Variants in HLA-E observed in about 807,000 individuals in gnomAD.
HLA-E encodes HLA class I histocompatibility antigen, alpha chain E.
Under a neutral mutation model 43.4 loss-of-function variants are expected in HLA-E, and 25 were observed. That is an observed-to-expected ratio of 0.58 (90% CI 0.42 to 0.80). HLA-E has a LOEUF of 0.80. HLA-E is among the 30% of genes least tolerant of loss of function. The pLI is 0.00. For missense variants in HLA-E, 343 were observed against 470.0 expected, an observed-to-expected ratio of 0.73 and a Z score of 2.50; for synonymous variants, 161 against 197.6, an observed-to-expected ratio of 0.81 and a Z score of 1.55.
chr6:30,492,502 T>C lies in HLA-E; in HGVS notation c.1037-39T>C. ...ATAATTCCTCCTGCACCACATCTCC[T>C]GTGGGCTCTGACCAGGTCTTGTTTT... On this transcript the variant is annotated intron_variant, in intron 6 of 7. Transcript: ENST00000376630. The surrounding 1 kb of genome is among the most constrained non-coding windows in gnomAD (Gnocchi z 4.5). The C allele has an allele frequency of 3.1e-6, 5 of 1,613,996 alleles. No homozygotes were observed. The highest frequency in any genetic ancestry group is 4.2e-6 in the Non-Finnish European group (5 of 1,179,884).
In HLA-E at chr6:30,491,877, A is replaced by G. The variant is rs1796565824; in HGVS notation, c.1003+224A>G. 6.6e-6 allele frequency among the ~76,000 whole-genome samples: 1 copy of G among 151,330 alleles called. No individual in the cohort carries two copies. Among genetic ancestry groups the G allele is most frequent in the East Asian group, 1.9e-4 (1 of 5,166 alleles). Reference sequence around the variant, plus strand: ...AATGGCGTGGTTTCAGCTCACTGCAACCTCCGCCTCCCAGGTTCAAGCAAT... The same window carrying G: ...AATGGCGTGGTTTCAGCTCACTGCAGCCTCCGCCTCCCAGGTTCAAGCAAT... On this transcript the variant is annotated intron_variant, in intron 5 of 7. Coordinates refer to ENST00000376630, the MANE Select transcript of HLA-E (RefSeq NM_005516.6). The surrounding 1 kb of genome is among the most constrained non-coding windows in gnomAD (Gnocchi z 5.4).
chr6:30,490,177 C>G lies in HLA-E; in HGVS notation c.335-63C>G, dbSNP rs1459373196. On this transcript the variant is annotated intron_variant, in intron 2 of 7. Coordinates refer to ENST00000376630, the MANE Select transcript of HLA-E (RefSeq NM_005516.6). The surrounding 1 kb of genome is among the most constrained non-coding windows in gnomAD (Gnocchi z 6.6). Reference sequence around the variant, plus strand: ...TCTTTTTCAGTTTAGGCCAAAATGCCCACAGGGTGGTGGCGACGGGGGCGG... The same window carrying G: ...TCTTTTTCAGTTTAGGCCAAAATGCGCACAGGGTGGTGGCGACGGGGGCGG... The G allele has an allele frequency of 1.1e-5, 18 of 1,578,046 alleles. No homozygotes were observed. Among genetic ancestry groups the G allele is most frequent in the Non-Finnish European group, 1.6e-5 (18 of 1,161,106 alleles).
In HLA-E at chr6:30,489,952, G is replaced by T. The variant is rs1359207381; in HGVS notation, c.291G>T (p.Val97=). 8 of 1,611,900 alleles carry T rather than the reference G, an allele frequency of 5.0e-6. No homozygotes were observed. Among genetic ancestry groups the T allele is most frequent in the Non-Finnish European group, 5.9e-6 (7 of 1,179,290 alleles). Residue 97 remains valine (V), a synonymous_variant, in exon 2 of 8, where the codon GTG becomes GTT. Transcript: ENST00000376630. This position sits in a 1 kb window ranked among gnomAD's most constrained non-coding sequence, Gnocchi z 5.6. ...GGGACACCGCACAGATTTTCCGAGT[G>T]AATCTGCGGACGCTGCGCGGCTACT... ...SARDTAQIFR[V]NLRTLRGYYN... is the part of the protein sequence containing the mutation.
At position 30,490,997 on chromosome 6, in the gene HLA-E, T is replaced by A; in HGVS notation, c.611-140T>A. 8.3e-7 allele frequency: 1 copy of A among 1,207,786 alleles called. No homozygotes were observed. The highest frequency in any genetic ancestry group is 1.2e-6 in the Non-Finnish European group (1 of 852,830). 74.8% of individuals were successfully genotyped at this position (1,207,786 alleles called of 1,614,324 possible). On this transcript the variant is annotated intron_variant, in intron 3 of 7. Transcript: ENST00000376630. The surrounding 1 kb of genome is among the most constrained non-coding windows in gnomAD (Gnocchi z 6.6). Reference sequence around the variant, plus strand: ...GGAATAAGAGGCTATCCCAGATCCCTAAGTCCAGGCTGGTGTCAAGGTTTT... The same window carrying A: ...GGAATAAGAGGCTATCCCAGATCCCAAAGTCCAGGCTGGTGTCAAGGTTTT...
Position 30,490,532 on chromosome 6 carries a change from G to A in HLA-E, c.610+17G>A. The stretch of plus-strand genomic sequence containing the variant: ...TTCACCTGGGTAAGAGGGTCCACAG[G>A]GCTACTCTCCCATCTCCTTCTTGGG... On this transcript the variant is annotated intron_variant, in intron 3 of 7. Transcript: ENST00000376630. The surrounding 1 kb of genome is among the most constrained non-coding windows in gnomAD (Gnocchi z 6.6). 6.2e-7 allele frequency: 1 copy of A among 1,607,670 alleles called. No homozygotes were observed. Among genetic ancestry groups the A allele is most frequent in the Non-Finnish European group, 8.5e-7 (1 of 1,177,108 alleles).
Position 30,492,552 on chromosome 6 carries a change from G to A in HLA-E, c.1048G>A (p.Ala350Thr), listed in dbSNP as rs1796621288. The A allele has an allele frequency of 6.2e-7, 1 of 1,614,042 alleles. No individual in the cohort carries two copies. The highest frequency in any genetic ancestry group is 1.3e-5 in the African/African-American group (1 of 74,910). ...TTGTTCTACCCCAGGGAGCGACAGTGCCCAGGGGTCTGAGTCTCACAGCTT... is the reference window on the plus strand; with the variant it reads ...TTGTTCTACCCCAGGGAGCGACAGTACCCAGGGGTCTGAGTCTCACAGCTT... ...SYSKAEWSDSAQGSESHSL is the reference protein window; with the variant it reads ...SYSKAEWSDSTQGSESHSL The change falls in exon 7 of 8, where the codon GCC becomes ACC. Residue 350 changes from alanine (A) to threonine (T), a missense_variant. This residue lies in a region of HLA-E where 190 missense variants were observed against 283.6 expected (regional missense o/e 0.67). Transcript: ENST00000376630. The surrounding 1 kb of genome is among the most constrained non-coding windows in gnomAD (Gnocchi z 4.5).
chr6:30,490,122 C>T lies in HLA-E; in HGVS notation c.335-118C>T, dbSNP rs1275756740. ...TGCGGAACCCGCCCAGACCCTAGACCGGGGAGAGTCTCAGGCGCCTTTACC... is the reference window on the plus strand; with the variant it reads ...TGCGGAACCCGCCCAGACCCTAGACTGGGGAGAGTCTCAGGCGCCTTTACC... On this transcript the variant is annotated intron_variant, in intron 2 of 7. Coordinates refer to ENST00000376630, the MANE Select transcript of HLA-E (RefSeq NM_005516.6). This position sits in a 1 kb window ranked among gnomAD's most constrained non-coding sequence, Gnocchi z 6.6. 2.1e-6 allele frequency: 3 copies of T among 1,441,544 alleles called. No individual in the cohort carries two copies. Among genetic ancestry groups the T allele is most frequent in the Non-Finnish European group, 1.9e-6 (2 of 1,068,478 alleles). 89.3% of individuals were successfully genotyped at this position (1,441,544 alleles called of 1,614,324 possible). A position where few individuals can be genotyped will look rare whatever the true frequency, so the allele number is the denominator to read the frequency against.
Position 30,490,502 on chromosome 6 carries a change from G to T in HLA-E, c.597G>T (p.Thr199=). 1 of 1,612,674 alleles carries T rather than the reference G, an allele frequency of 6.2e-7. No homozygotes were observed. Among genetic ancestry groups the T allele is most frequent in the Non-Finnish European group, 8.5e-7 (1 of 1,179,874 alleles). ...LHKYLEKGKE[T]LLHLEPPKTH... ...AATACCTGGAGAAGGGGAAGGAGAC[G>T]CTGCTTCACCTGGGTAAGAGGGTCC... Residue 199 remains threonine, a synonymous_variant, in exon 3 of 8, where the codon ACG becomes ACT. Coordinates refer to ENST00000376630, the MANE Select transcript of HLA-E (RefSeq NM_005516.6). The surrounding 1 kb of genome is among the most constrained non-coding windows in gnomAD (Gnocchi z 6.6).
rs1796495959 is a variant in HLA-E, at chr6:30,490,978, A to T, written c.611-159A>T. On this transcript the variant is annotated intron_variant, in intron 3 of 7. Transcript: ENST00000376630. The surrounding 1 kb of genome is among the most constrained non-coding windows in gnomAD (Gnocchi z 6.6). ...CGATTCTAGAACTTTCCAAGGAATA[A>T]GAGGCTATCCCAGATCCCTAAGTCC... Among the ~76,000 whole-genome samples, 1 of 152,228 alleles carries T rather than the reference A, an allele frequency of 6.6e-6. No individual in the cohort carries two copies. Among genetic ancestry groups the T allele is most frequent in the African/African-American group, 2.4e-5 (1 of 41,450 alleles).
In HLA-E at chr6:30,493,022, G is replaced by A. The variant is rs1309197079; in HGVS notation, c.*276G>A. 2.1e-5 allele frequency: 4 copies of A among 187,084 alleles called. No homozygotes were observed. The highest frequency in any genetic ancestry group is 1.2e-4 in the Admixed American group (2 of 16,176). 11.6% of individuals were successfully genotyped at this position (187,084 alleles called of 1,614,324 possible). ...AAAAATAAGAACCTGGGCAGAGTGC[G>A]GCAGCTCATGCCTGTAATCCCAGCA... On this transcript the variant is annotated 3_prime_UTR_variant, in exon 8 of 8. Transcript: ENST00000376630. This position sits in a 1 kb window ranked among gnomAD's most constrained non-coding sequence, Gnocchi z 5.5.
At position 30,490,667 on chromosome 6, in the gene HLA-E, C is replaced by T; in HGVS notation, c.610+152C>T. ...GGAGAGGGAGCTGTCACCTGAGGTA[C>T]AGGAGATCCTATACCACAGAGTGAC... On this transcript the variant is annotated intron_variant, in intron 3 of 7. Coordinates refer to ENST00000376630, the MANE Select transcript of HLA-E (RefSeq NM_005516.6). This position sits in a 1 kb window ranked among gnomAD's most constrained non-coding sequence, Gnocchi z 6.6. 1.3e-6 allele frequency: 1 copy of T among 743,272 alleles called. No homozygotes were observed. The highest frequency in any genetic ancestry group is 1.9e-5 in the South Asian group (1 of 53,770). The allele number at this position is 743,272 out of a possible 1,614,324, so 46.0% of individuals were successfully genotyped here. A position where few individuals can be genotyped will look rare whatever the true frequency, so the allele number is the denominator to read the frequency against.
rs1796570589 is a variant in HLA-E, at chr6:30,491,942, G to A, written c.1003+289G>A. Among the ~76,000 whole-genome samples the A allele has an allele frequency of 6.6e-6, 1 of 152,036 alleles. No individual in the cohort carries two copies. The highest frequency in any genetic ancestry group is 6.5e-5 in the Admixed American group (1 of 15,272). On this transcript the variant is annotated intron_variant, in intron 5 of 7. Transcript: ENST00000376630. This position sits in a 1 kb window ranked among gnomAD's most constrained non-coding sequence, Gnocchi z 5.4. The stretch of plus-strand genomic sequence containing the variant: ...CTCCCTAGTAGCTGGGACTACACAT[G>A]CGTGCCACCACACCTGGCTAATTTT...
chr6:30,491,128 T>G lies in HLA-E; in HGVS notation c.611-9T>G, dbSNP rs1211863060. On this transcript the variant is annotated splice_polypyrimidine_tract_variant and intron_variant, in intron 3 of 7. Transcript: ENST00000376630. This position sits in a 1 kb window ranked among gnomAD's most constrained non-coding sequence, Gnocchi z 5.4. ...CAAAGTGCCTGAATTTTCTGACTCTTCCCCTCAGAGCCCCCAAAGACACAC... is the reference window on the plus strand; with the variant it reads ...CAAAGTGCCTGAATTTTCTGACTCTGCCCCTCAGAGCCCCCAAAGACACAC... The G allele has an allele frequency of 6.2e-7, 1 of 1,613,304 alleles. No individual in the cohort carries two copies. Among genetic ancestry groups the G allele is most frequent in the Admixed American group, 1.7e-5 (1 of 59,992 alleles).
Position 30,492,106 on chromosome 6 carries a change from T to G in HLA-E, c.1004-298T>G, listed in dbSNP as rs1479716784. Reference sequence around the variant, plus strand: ...GTGAGCCACCGCACCCAGCCGCACCTACTCTTTTGTAAAGCACCTGTGACA... The same window carrying G: ...GTGAGCCACCGCACCCAGCCGCACCGACTCTTTTGTAAAGCACCTGTGACA... On this transcript the variant is annotated intron_variant, in intron 5 of 7. Coordinates refer to ENST00000376630, the MANE Select transcript of HLA-E (RefSeq NM_005516.6). The surrounding 1 kb of genome is among the most constrained non-coding windows in gnomAD (Gnocchi z 4.5). Among the ~76,000 whole-genome samples the G allele has an allele frequency of 6.6e-6, 1 of 152,124 alleles. No individual in the cohort carries two copies. The highest frequency in any genetic ancestry group is 1.5e-5 in the Non-Finnish European group (1 of 68,036).
chr6:30,491,147 GAC>G lies in HLA-E; in HGVS notation c.626_627del (p.His209ArgfsTer8). The G allele has an allele frequency of 6.2e-7, 1 of 1,613,904 alleles. No homozygotes were observed. Among genetic ancestry groups the G allele is most frequent in the South Asian group, 1.1e-5 (1 of 91,080 alleles). ...ETLLHLEPPKTHVTHHPISDH... is the reference protein window; with the variant it reads ...ETLLHLEPPKXHVTHHPISDH... ...GACTCTTCCCCTCAGAGCCCCCAAA[GAC>G]ACACGTGACTCACCACCCCATCTCT... On this transcript the variant is annotated frameshift_variant, in exon 4 of 8. Coordinates refer to ENST00000376630, the MANE Select transcript of HLA-E (RefSeq NM_005516.6). LOFTEE classifies it high-confidence loss of function. This position sits in a 1 kb window ranked among gnomAD's most constrained non-coding sequence, Gnocchi z 5.4.
In HLA-E at chr6:30,493,992, G is replaced by GGGGCTA. The variant is rs953009339; in HGVS notation, c.*1247_*1252dup. 2 of 152,238 alleles carry GGGGCTA rather than the reference G, an allele frequency of 1.3e-5. No individual in the cohort carries two copies. Among genetic ancestry groups the GGGGCTA allele is most frequent in the African/African-American group, 4.8e-5 (2 of 41,454 alleles). The allele number at this position is 152,238 out of a possible 1,614,324, so 9.4% of individuals were successfully genotyped here. The stretch of plus-strand genomic sequence containing the variant: ...CTGCACCCAGCAAAGCCACAGGCAC[G>GGGGCTA]GGGCTACCTGAGGCCTTGGGGGCCC... On this transcript the variant is annotated 3_prime_UTR_variant, in exon 8 of 8. Coordinates refer to ENST00000376630, the MANE Select transcript of HLA-E (RefSeq NM_005516.6). This position sits in a 1 kb window ranked among gnomAD's most constrained non-coding sequence, Gnocchi z 5.5.
rs957617580 is a variant in HLA-E, at chr6:30,490,973, G to C, written c.611-164G>C. On this transcript the variant is annotated intron_variant, in intron 3 of 7. Transcript: ENST00000376630. This position sits in a 1 kb window ranked among gnomAD's most constrained non-coding sequence, Gnocchi z 6.6. Reference sequence around the variant, plus strand: ...CATCCCGATTCTAGAACTTTCCAAGGAATAAGAGGCTATCCCAGATCCCTA... The same window carrying C: ...CATCCCGATTCTAGAACTTTCCAAGCAATAAGAGGCTATCCCAGATCCCTA... 6.6e-6 allele frequency among the ~76,000 whole-genome samples: 1 copy of C among 152,200 alleles called. No homozygotes were observed. The highest frequency in any genetic ancestry group is 2.4e-5 in the African/African-American group (1 of 41,436).
chr6:30,490,033 T>C lies in HLA-E; in HGVS notation c.334+38T>C. On this transcript the variant is annotated intron_variant, in intron 2 of 7. Transcript: ENST00000376630. This position sits in a 1 kb window ranked among gnomAD's most constrained non-coding sequence, Gnocchi z 6.6. ...GGCCAGGGGAGCAGGTCACGACCCCTCCCCATCCCCCACGGACGGCGCGGG... is the reference window on the plus strand; with the variant it reads ...GGCCAGGGGAGCAGGTCACGACCCCCCCCCATCCCCCACGGACGGCGCGGG... 2 of 1,575,018 alleles carry C rather than the reference T, an allele frequency of 1.3e-6. No individual in the cohort carries two copies. The highest frequency in any genetic ancestry group is 2.2e-5 in the East Asian group (1 of 44,582).
At position 30,490,976 on chromosome 6, in the gene HLA-E, T is replaced by A. The variant is rs779846425; in HGVS notation, c.611-161T>A. ...CCCGATTCTAGAACTTTCCAAGGAATAAGAGGCTATCCCAGATCCCTAAGT... is the reference window on the plus strand; with the variant it reads ...CCCGATTCTAGAACTTTCCAAGGAAAAAGAGGCTATCCCAGATCCCTAAGT... On this transcript the variant is annotated intron_variant, in intron 3 of 7. Coordinates refer to ENST00000376630, the MANE Select transcript of HLA-E (RefSeq NM_005516.6). The surrounding 1 kb of genome is among the most constrained non-coding windows in gnomAD (Gnocchi z 6.6). Among the ~76,000 whole-genome samples, 1 of 152,210 alleles carries A rather than the reference T, an allele frequency of 6.6e-6. No homozygotes were observed. The highest frequency in any genetic ancestry group is 1.5e-5 in the Non-Finnish European group (1 of 68,028).
Sources: gnomAD v4.1 joint callset for allele counts (sites outside exome capture counted in the v4.1 genomes callset) on GRCh38, gnomAD v4.1.1 for gene constraint, gnomAD v4.1.1 regional missense constraint, Gnocchi (gnomAD v3.1) non-coding constraint, MANE v1.5 for transcripts, NCBI Gene and HGNC (gene_info 2026-07-23, HGNC 2026-07-21) for gene names.